PAWR: variants seen among roughly 807,000 people sequenced by gnomAD.
PAWR encodes pro-apoptotic WT1 regulator, also known as PRKC apoptosis WT1 regulator protein.
PAWR carries 23 observed loss-of-function variants against 32.0 expected under a neutral mutation model. The ratio of observed to expected loss-of-function variants is 0.72; its 90% CI spans 0.52 to 1.02. The LOEUF (loss-of-function observed/expected upper bound fraction) is 1.02, where lower values mean the gene tolerates loss of function less well. Among genes scored for constraint, PAWR ranks in the 50% least tolerant of loss-of-function variants. The pLI is 0.00. For synonymous variants in PAWR, 226 were observed against 187.1 expected, an observed-to-expected ratio of 1.21 and a Z score of -1.70; for missense variants, 457 against 437.7, an observed-to-expected ratio of 1.04 and a Z score of -0.39.
At chr12:79,626,646 T>G (rs1308241359) in intron 2 of PAWR, among the ~76,000 whole-genome samples, 2 of 151,838 alleles carry the variant, frequency 1.3e-5, no homozygotes, top group Non-Finnish European at 2.9e-5. Flanking sequence ...AGGTGCAGGT[T>G]TGTTACATAT....
chr12:79,656,117 T>G (rs1877082247), intron 2 of PAWR, among the ~76,000 whole-genome samples: 1 of 152,094 alleles, frequency 6.6e-6, no homozygotes. Flanking sequence ...GATAGAATAT[T>G]TGAGAGGTGA....
intron 2 of PAWR, among the ~76,000 whole-genome samples, chr12:79,628,676 C>A (rs901285495): frequency 2.0e-5 from 3 of 152,026 alleles, no homozygotes; most frequent in Admixed American, 1.3e-4. Flanking sequence ...GAAAAGGATA[C>A]CGCAAGAAAA....
At chr12:79,599,030 C>G (rs1051182278) in intron 4 of PAWR, among the ~76,000 whole-genome samples, 1 of 152,186 alleles carries the variant, frequency 6.6e-6, no homozygotes, top group Non-Finnish European at 1.5e-5. Context: ...CCACTGCGCC[C>G]GGCCAACTGA....
chr12:79,632,861 CG>C (rs1315362354), intron 2 of PAWR, among the ~76,000 whole-genome samples: 3 of 151,994 alleles, frequency 2.0e-5, no homozygotes, highest in African/African-American at 7.2e-5. Context: ...TAGCCGGACA[CG>C]GTGGCTCATG....
At chr12:79,677,026 G>C (rs911970443) in intron 2 of PAWR, among the ~76,000 whole-genome samples, 4 of 152,028 alleles carry the variant, frequency 2.6e-5, no homozygotes, top group African/African-American at 9.7e-5. Flanking sequence ...TTGTTTTTCT[G>C]AGTTAGATTA....
intron 4 of PAWR, among the ~76,000 whole-genome samples, chr12:79,601,087 T>G (rs1248671191): frequency 1.3e-5 from 2 of 152,000 alleles, no homozygotes; most frequent in Non-Finnish European, 2.9e-5. Flanking sequence ...GACAAGAATG[T>G]GCAAAAACCT....
intron 1 of PAWR, 86 bp from the exon 2 acceptor site, chr12:79,690,477 G>T: frequency 1.2e-6 from 1 of 834,302 alleles, no homozygotes; most frequent in Non-Finnish European, 1.6e-6. Flanking sequence ...TGCGCCCCTT[G>T]GAGTCCTCGA....
At chr12:79,624,515 T>C (rs1233569612) in intron 2 of PAWR, among the ~76,000 whole-genome samples, 1 of 152,226 alleles carries the variant, frequency 6.6e-6, no homozygotes, top group African/African-American at 2.4e-5. Context: ...TCACACATAG[T>C]ATCCCTGTGG....
intron 4 of PAWR, among the ~76,000 whole-genome samples, chr12:79,600,598 T>C (rs1873921862): frequency 6.6e-6 from 1 of 150,852 alleles, no homozygotes; most frequent in Non-Finnish European, 1.5e-5. Flanking sequence ...CCTTCCACCT[T>C]AGCCTACCAA....
intron 2 of PAWR, among the ~76,000 whole-genome samples, chr12:79,671,123 T>TA (rs80196711): frequency 0.021 from 2,042 of 98,870 alleles, 45 homozygotes; most frequent in African/African-American, 0.045. Context: ...CCTTAGCACT[T>TA]AAAAAAAAAA....
rs1193244501 is a variant in PAWR at position 79,590,792 on chromosome 12, T to A, written c.*1815A>T. Reference sequence around the variant, plus strand: ...TCATGTGGGCAGATCACTGTTCCCATGCTGGGTAAGAGTCTCCAAGAAGGG... The same window carrying A: ...TCATGTGGGCAGATCACTGTTCCCAAGCTGGGTAAGAGTCTCCAAGAAGGG... On this transcript the variant is annotated 3_prime_UTR_variant, in exon 7 of 7. Transcript: ENST00000328827. 6.6e-6 allele frequency: 1 copy of A among 152,210 alleles called. No individual in the cohort carries two copies. The highest frequency in any genetic ancestry group is 1.5e-5 in the Non-Finnish European group (1 of 68,040). The allele number at this position is 152,210 out of a possible 1,614,324, so 9.4% of individuals were successfully genotyped here.
chr12:79,641,418 G>A (rs1341315399), intron 2 of PAWR, among the ~76,000 whole-genome samples: 1 of 152,168 alleles, frequency 6.6e-6, no homozygotes, highest in African/African-American at 2.4e-5. Context: ...AAGACATTCT[G>A]TCCGAAGAGC....
intron 2 of PAWR, among the ~76,000 whole-genome samples, chr12:79,677,262 G>C (rs967895663): frequency 6.6e-6 from 1 of 152,160 alleles, no homozygotes; most frequent in Admixed American, 6.5e-5. Flanking sequence ...TAACAAAAAT[G>C]TTGTAACAAT....
chr12:79,687,029 A>G (rs1878713333), intron 2 of PAWR, among the ~76,000 whole-genome samples: 1 of 152,240 alleles, frequency 6.6e-6, no homozygotes, highest in South Asian at 2.1e-4. Flanking sequence ...CACAAAAATT[A>G]CTGGCAAGAA....
At position 79,590,823 on chromosome 12, in the gene PAWR, C is replaced by T. The variant is rs569026010; in HGVS notation, c.*1784G>A. 2 of 152,288 alleles carry T rather than the reference C, an allele frequency of 1.3e-5. No homozygotes were observed. Among genetic ancestry groups the T allele is most frequent in the Non-Finnish European group, 2.9e-5 (2 of 68,036 alleles). The allele number at this position is 152,288 out of a possible 1,614,324, so 9.4% of individuals were successfully genotyped here. A position where few individuals can be genotyped will look rare whatever the true frequency, so the allele number is the denominator to read the frequency against. On this transcript the variant is annotated 3_prime_UTR_variant, in exon 7 of 7. Transcript: ENST00000328827. The stretch of plus-strand genomic sequence containing the variant: ...GTAAGAGTCTCCAAGAAGGGAAGCC[C>T]TTATGCAGTAATTCTGTAACTATAT...
At chr12:79,670,198 T>C (rs979296146) in intron 2 of PAWR, among the ~76,000 whole-genome samples, 2 of 152,220 alleles carry the variant, frequency 1.3e-5, no homozygotes, top group Non-Finnish European at 2.9e-5. Flanking sequence ...TAAACAGTTT[T>C]AACAATGACA....
At chr12:79,684,100 A>C (rs1223605610) in intron 2 of PAWR, among the ~76,000 whole-genome samples, 1 of 152,182 alleles carries the variant, frequency 6.6e-6, no homozygotes, top group Non-Finnish European at 1.5e-5. Flanking sequence ...AATACTAAAA[A>C]ACCACTGAAC....
chr12:79,632,358 TA>T (rs1481334333), intron 2 of PAWR, among the ~76,000 whole-genome samples: 50 of 49,888 alleles, frequency 1.0e-3, no homozygotes, highest in Non-Finnish European at 1.4e-3. Flanking sequence ...TATATATATA[TA>T]TATTTTTTTT....
intron 2 of PAWR, among the ~76,000 whole-genome samples, chr12:79,687,533 A>C (rs1459167829): frequency 6.6e-6 from 1 of 152,162 alleles, no homozygotes; most frequent in Non-Finnish European, 1.5e-5. Flanking sequence ...AGATAAAATA[A>C]AGTCTACTTT....
Sources: gnomAD v4.1 joint callset for allele counts (sites outside exome capture counted in the v4.1 genomes callset) on GRCh38, gnomAD v4.1.1 for gene constraint, MANE v1.5 for transcripts, NCBI Gene and HGNC (gene_info 2026-07-23, HGNC 2026-07-21) for gene names.